Variants in ADD1 observed in about 807,000 individuals in gnomAD.
The protein encoded by ADD1 is adducin 1.
Under a neutral mutation model 80.5 loss-of-function variants are expected in ADD1, and 24 were observed. The ratio of observed to expected loss-of-function variants is 0.30; its 90% CI spans 0.22 to 0.42. ADD1 has a LOEUF of 0.42. Ranked by LOEUF, ADD1 falls within the 10% of genes least tolerant of loss-of-function variation. The pLI, the probability that ADD1 is intolerant of heterozygous loss-of-function variation, is 1.00. For missense variants in ADD1, 948 were observed against 1,019.0 expected, an observed-to-expected ratio of 0.93 and a Z score of 0.95; for synonymous variants, 373 against 393.8, an observed-to-expected ratio of 0.95 and a Z score of 0.63.
chr4:2,884,692 G>C, intron 4 of ADD1, 26 bp downstream of exon 4: 1 of 1,551,118 alleles, frequency 6.4e-7, no homozygotes, highest in Admixed American at 1.9e-5. Flanking sequence ...GCTAGTAACT[G>C]AACGATAAAT....
At chr4:2,888,758 A>G (rs918109457) in intron 4 of ADD1, among the ~76,000 whole-genome samples, 3 of 152,190 alleles carry the variant, frequency 2.0e-5, no homozygotes, top group African/African-American at 7.2e-5. Flanking sequence ...ATTCAGCAGT[A>G]GATAGGAAAT....
Position 2,907,850 on chromosome 4 carries a change from T to C in ADD1, c.1608+6T>C. On this transcript the variant is annotated splice_donor_region_variant and intron_variant, in intron 11 of 15. Coordinates refer to ENST00000683351, the MANE Select transcript of ADD1 (RefSeq NM_001354761.2). ...TCCAGGAGATGAGGAACAAGGTGCGTCCTGCGTCGGCACTCAGCGGGGGCT... is the reference window on the plus strand; with the variant it reads ...TCCAGGAGATGAGGAACAAGGTGCGCCCTGCGTCGGCACTCAGCGGGGGCT... 1.9e-6 allele frequency: 3 copies of C among 1,612,394 alleles called. No homozygotes were observed. The highest frequency in any genetic ancestry group is 2.5e-6 in the Non-Finnish European group (3 of 1,178,774).
At chr4:2,889,206 C>A (rs554455359) in intron 4 of ADD1, among the ~76,000 whole-genome samples, 1 of 152,128 alleles carries the variant, frequency 6.6e-6, no homozygotes, top group African/African-American at 2.4e-5. Flanking sequence ...AACAGACATG[C>A]TGTAGTCGGC....
chr4:2,856,563 C>G (rs1728092359), intron 1 of ADD1, among the ~76,000 whole-genome samples: 1 of 146,118 alleles, frequency 6.8e-6, no homozygotes, highest in South Asian at 2.2e-4. Flanking sequence ...CTGCATGTTA[C>G]TCAAGTAAAT....
chr4:2,898,041 CT>C, intron 6 of ADD1, 142 bp from the exon 7 acceptor site: 1 of 1,133,588 alleles, frequency 8.8e-7, no homozygotes, highest in Non-Finnish European at 1.2e-6. Context: ...CCAAGTTTGT[CT>C]TAAGTTCATA....
intron 1 of ADD1, among the ~76,000 whole-genome samples, chr4:2,872,470 C>G (rs1316879737): frequency 2.0e-5 from 3 of 152,324 alleles, no homozygotes; most frequent in East Asian, 3.9e-4. Context: ...TAGTTTGCCA[C>G]TTAATATGTT....
At position 2,928,266 on chromosome 4, in the gene ADD1, C is replaced by G. The variant is rs774085136; in HGVS notation, c.2143C>G (p.Leu715Val). The change falls in exon 16 of 16, where the codon CTC (leucine) becomes GTC (valine). Residue 715 changes from leucine (L) to valine (V), a missense_variant. Physicochemically the swap from Leu to Val is conservative, Grantham distance 32. Transcript: ENST00000683351. ...GTCCCCTGATGAACCTTCAGAAGCACTCGGCTTCCCAATGTTAGAGAAGGA... is the reference window on the plus strand; with the variant it reads ...GTCCCCTGATGAACCTTCAGAAGCAGTCGGCTTCCCAATGTTAGAGAAGGA... ...DLSPDEPSEA[L>V]GFPMLEKEEE... is the part of the protein sequence containing the mutation. 4.3e-6 allele frequency: 7 copies of G among 1,613,996 alleles called. No homozygotes were observed. The African/African-American group carries it at 9.3e-5, about 22-fold the overall frequency.
chr4:2,899,131 A>G, intron 8 of ADD1, 128 bp from the exon 9 acceptor site: 1 of 943,418 alleles, frequency 1.1e-6, no homozygotes, highest in Non-Finnish European at 1.6e-6. Context: ...GTCACTATCC[A>G]TTCTACATTT....
At chr4:2,844,141 G>T (rs1222255184) in intron 1 of ADD1, 117 bp downstream of exon 1, 1 of 149,324 alleles carries the variant, frequency 6.7e-6, no homozygotes, top group African/African-American at 2.4e-5. Context: ...CGGCGGCCCG[G>T]GCAGCCTCGG....
intron 1 of ADD1, among the ~76,000 whole-genome samples, chr4:2,869,630 C>T (rs150962149): frequency 0.016 from 2,363 of 152,288 alleles, 30 homozygotes; most frequent in Non-Finnish European, 0.025. Flanking sequence ...TGGACACTTT[C>T]CCCCTGCTGA....
intron 1 of ADD1, among the ~76,000 whole-genome samples, chr4:2,847,591 C>T (rs1043090791): frequency 7.9e-5 from 12 of 152,166 alleles, no homozygotes; most frequent in Non-Finnish European, 1.6e-4. Flanking sequence ...AGACAGGTCT[C>T]GGTTAACTTA....
chr4:2,891,002 G>A (rs1734211858), intron 4 of ADD1, among the ~76,000 whole-genome samples: 1 of 152,044 alleles, frequency 6.6e-6, no homozygotes, highest in African/African-American at 2.4e-5. Flanking sequence ...AAGTCAGGAT[G>A]GGCTGGATGC....
chr4:2,863,716 G>C (rs1190398642), intron 1 of ADD1, among the ~76,000 whole-genome samples: 1 of 140,560 alleles, frequency 7.1e-6, no homozygotes, highest in Non-Finnish European at 1.6e-5. Flanking sequence ...ACTACACCTT[G>C]TTTTTTTTTG....
chr4:2,888,946 G>C (rs992844470), intron 4 of ADD1, among the ~76,000 whole-genome samples: 3 of 152,058 alleles, frequency 2.0e-5, no homozygotes, highest in African/African-American at 7.2e-5. Flanking sequence ...GAGAGAGAGA[G>C]AGACAAAAGA....
At chr4:2,878,429 G>C (rs1185187934) in intron 2 of ADD1, among the ~76,000 whole-genome samples, 1 of 152,134 alleles carries the variant, frequency 6.6e-6, no homozygotes, top group Non-Finnish European at 1.5e-5. Flanking sequence ...GGGAAAAAAA[G>C]AATCAGGATA....
At chr4:2,881,311 T>C (rs1373797127) in intron 2 of ADD1, among the ~76,000 whole-genome samples, 1 of 152,100 alleles carries the variant, frequency 6.6e-6, no homozygotes, top group Non-Finnish European at 1.5e-5. Context: ...ACTCCTGACC[T>C]CAGGTGATCC....
chr4:2,874,065 A>ATT (rs1391553042), intron 1 of ADD1, among the ~76,000 whole-genome samples: 1 of 151,930 alleles, frequency 6.6e-6, no homozygotes, highest in African/African-American at 2.4e-5. Flanking sequence ...TAAAAAAAAA[A>ATT]TAGCCAGGTG....
rs1291652265 is a variant in ADD1, at chr4:2,930,030, A to ATGTT, written c.*1509_*1512dup. ...CTGAATGTCCTTTCTCCAGTGTAAC[A>ATGTT]TGTTTTACTCACAAATAAAATTCTT... is the stretch of plus-strand genomic sequence containing the variant. On this transcript the variant is annotated 3_prime_UTR_variant, in exon 16 of 16. Coordinates refer to ENST00000683351, the MANE Select transcript of ADD1 (RefSeq NM_001354761.2). 7 of 152,652 alleles carry ATGTT rather than the reference A, an allele frequency of 4.6e-5. No individual in the cohort carries two copies. The highest frequency in any genetic ancestry group is 3.9e-4 in the East Asian group (2 of 5,192). The allele number at this position is 152,652 out of a possible 1,614,324, so 9.5% of individuals were successfully genotyped here.
intron 6 of ADD1, among the ~76,000 whole-genome samples, chr4:2,896,472 G>A (rs1426997465): frequency 2.0e-5 from 3 of 152,110 alleles, no homozygotes; most frequent in Non-Finnish European, 2.9e-5. Context: ...GCCTCCCAAA[G>A]TGCTGGGATT....
Sources: gnomAD v4.1 joint callset for allele counts (sites outside exome capture counted in the v4.1 genomes callset) on GRCh38, gnomAD v4.1.1 for gene constraint, MANE v1.5 for transcripts, NCBI Gene and HGNC (gene_info 2026-07-23, HGNC 2026-07-21) for gene names.